Variants in SNX27 observed in about 807,000 individuals in gnomAD.
SNX27 encodes sorting nexin 27, also known as sorting nexin-27.
SNX27 carries 22 observed loss-of-function variants against 71.6 expected under a neutral mutation model. The ratio of observed to expected loss-of-function variants is 0.31; its 90% CI spans 0.22 to 0.44. SNX27 has a LOEUF of 0.44. Among genes scored for constraint, SNX27 ranks in the 20% least tolerant of loss-of-function variants. SNX27 has a pLI of 1.00. For missense variants in SNX27, 531 were observed against 698.6 expected, an observed-to-expected ratio of 0.76 and a Z score of 2.70; for synonymous variants, 269 against 277.2, an observed-to-expected ratio of 0.97 and a Z score of 0.29.
chr1:151,684,707 A>G (rs1339527590), intron 8 of SNX27, among the ~76,000 whole-genome samples: 1 of 152,222 alleles, frequency 6.6e-6, no homozygotes, highest in African/African-American at 2.4e-5. Flanking sequence ...CCTACCAAAC[A>G]TTATAGCTTA....
At chr1:151,618,339 T>G (rs1334714928) in intron 1 of SNX27, among the ~76,000 whole-genome samples, 1 of 152,214 alleles carries the variant, frequency 6.6e-6, no homozygotes, top group Non-Finnish European at 1.5e-5. Context: ...TTTACCCTGT[T>G]GGTTATCAGT....
At position 151,698,719 on chromosome 1, in the gene SNX27, A is replaced by G. The variant is rs1671899626; in HGVS notation, c.*4302A>G. ...ATGTGGGAAGGTCAGGGCTGTGGTA[A>G]GGAATAGAATCAAAGAGGGGAGTGA... On this transcript the variant is annotated 3_prime_UTR_variant, in exon 12 of 12. Transcript: ENST00000458013. 1 of 152,580 alleles carries G rather than the reference A, an allele frequency of 6.6e-6. No individual in the cohort carries two copies. The highest frequency in any genetic ancestry group is 2.4e-5 in the African/African-American group (1 of 41,456). The allele number at this position is 152,580 out of a possible 1,614,324, so 9.5% of individuals were successfully genotyped here.
chr1:151,625,651 A>G (rs773884794), intron 1 of SNX27, among the ~76,000 whole-genome samples: 6 of 152,044 alleles, frequency 3.9e-5, no homozygotes, highest in Admixed American at 1.3e-4. Flanking sequence ...GCTGATCAAC[A>G]TGGTGAAACC....
intron 7 of SNX27, among the ~76,000 whole-genome samples, chr1:151,681,235 C>CTTTTTTTTTATTTTTTTTTTTTTTTTTT (rs1670932603): frequency 1.6e-5 from 1 of 60,700 alleles, no homozygotes; most frequent in Non-Finnish European, 3.2e-5. Flanking sequence ...GTCTCTCAAT[C>CTTTTTTTTTATTTTTTTTTTTTTTTTTT]TTTTTTTTTT....
intron 1 of SNX27, 116 bp from the exon 2 acceptor site, chr1:151,638,772 C>A (rs1668585550): frequency 1.1e-6 from 1 of 910,746 alleles, no homozygotes; most frequent in Non-Finnish European, 1.7e-6. Context: ...CCAAATTAAT[C>A]TTTTGACTTC....
At chr1:151,674,184 T>TA (rs1340531220) in intron 7 of SNX27, among the ~76,000 whole-genome samples, 13 of 152,210 alleles carry the variant, frequency 8.5e-5, no homozygotes, top group African/African-American at 3.1e-4. Context: ...TTTAGTTTCT[T>TA]ACTTTTTATT....
intron 2 of SNX27, among the ~76,000 whole-genome samples, chr1:151,641,035 T>G (rs922527900): frequency 1.3e-5 from 2 of 152,336 alleles, no homozygotes; most frequent in Admixed American, 6.5e-5. Context: ...AACCAAATAT[T>G]TGTCCCTTTT....
intron 4 of SNX27, chr1:151,661,116 CT>C: frequency 2.5e-6 from 1 of 404,844 alleles, no homozygotes; most frequent in East Asian, 4.2e-5. Context: ...CCACCAAAAA[CT>C]TTTGCAATTA....
intron 5 of SNX27, among the ~76,000 whole-genome samples, chr1:151,665,075 A>G (rs140368074): frequency 5.6e-4 from 85 of 152,304 alleles, no homozygotes; most frequent in African/African-American, 2.0e-3. Flanking sequence ...TTACTGAGAT[A>G]CTAATAATCA....
At chr1:151,634,454 G>C (rs573754187) in intron 1 of SNX27, among the ~76,000 whole-genome samples, 1 of 152,222 alleles carries the variant, frequency 6.6e-6, no homozygotes, top group South Asian at 2.1e-4. Context: ...ATCCTGACTA[G>C]AGCTTTTTCT....
Position 151,662,154 on chromosome 1 carries a change from CTT to C in SNX27, c.802-9_802-8del, listed in dbSNP as rs747003479. The stretch of plus-strand genomic sequence containing the variant: ...TGGGCCATAAATTATTTCTCTATGT[CTT>C]TTCCCCCAGAACTACAATGGTGTGT... On this transcript the variant is annotated splice_polypyrimidine_tract_variant and intron_variant, in intron 4 of 11. Coordinates refer to ENST00000458013, the MANE Select transcript of SNX27 (RefSeq NM_001330723.2). The C allele has an allele frequency of 6.3e-7, 1 of 1,599,536 alleles. No individual in the cohort carries two copies. The highest frequency in any genetic ancestry group is 8.6e-7 in the Non-Finnish European group (1 of 1,167,538).
At chr1:151,690,636 G>A (rs942508319) in intron 8 of SNX27, among the ~76,000 whole-genome samples, 1 of 150,688 alleles carries the variant, frequency 6.6e-6, no homozygotes, top group African/African-American at 2.4e-5. Flanking sequence ...TTATAGAGAT[G>A]GGGTTTCACT....
chr1:151,637,912 G>A (rs1032681363), intron 1 of SNX27, among the ~76,000 whole-genome samples: 18 of 152,226 alleles, frequency 1.2e-4, no homozygotes, highest in African/African-American at 4.3e-4. Context: ...TTAGAGGTCA[G>A]GTGTGTATTT....
chr1:151,634,790 G>T (rs1315016845), intron 1 of SNX27, among the ~76,000 whole-genome samples: 1 of 152,126 alleles, frequency 6.6e-6, no homozygotes, highest in Non-Finnish European at 1.5e-5. Context: ...GAAAAATTGA[G>T]AGAATTGTAC....
rs1263866496 is a variant in SNX27 at position 151,653,820 on chromosome 1, C to T, written c.544-4415C>T. Among the ~76,000 whole-genome samples, 20 of 146,814 alleles carry T rather than the reference C, an allele frequency of 1.4e-4. No homozygotes were observed. The East Asian group carries it at 4.0e-3, about 29-fold the overall frequency. On this transcript the variant is annotated intron_variant, in intron 2 of 11. Transcript: ENST00000458013. ...ATAGACAAGAGCCACTGTGCCCAGC[C>T]TGGAGAGTTTTTTTTGTTTTTTTTT... is the stretch of plus-strand genomic sequence containing the variant.
intron 7 of SNX27, chr1:151,675,845 T>TA (rs1558068628): frequency 1.7e-5 from 2 of 115,164 alleles, no homozygotes; most frequent in Non-Finnish European, 3.5e-5. Context: ...TTTTTTTTTT[T>TA]ATATAGGCTC....
chr1:151,639,033 T>A lies in SNX27; in HGVS notation c.457T>A (p.Ser153Thr), dbSNP rs373148145. The A allele has an allele frequency of 5.0e-6, 8 of 1,614,106 alleles. No homozygotes were observed. Among genetic ancestry groups the A allele is most frequent in the Non-Finnish European group, 6.8e-6 (8 of 1,180,032 alleles). ...LDPSDDSLGQSFYDYTEKQAV... is the reference protein window; with the variant it reads ...LDPSDDSLGQTFYDYTEKQAV... The stretch of plus-strand genomic sequence containing the variant: ...TCCCAGTGACGACTCGTTGGGACAA[T>A]CATTTTATGATTACACAGAAAAGCA... Residue 153 changes from serine (S) to threonine (T), a missense_variant, in exon 2 of 12, where the codon TCA (serine) becomes ACA (threonine). Transcript: ENST00000458013.
Position 151,692,398 on chromosome 1 carries a change from T to C in SNX27, c.1240-37T>C, listed in dbSNP as rs551797456. On this transcript the variant is annotated intron_variant, in intron 8 of 11. Transcript: ENST00000458013. ...TACCATAGTAACCCTGTTTCCTGTT[T>C]CTCCTTCCTTTTTTTTTTTTTTTTT... The C allele has an allele frequency of 3.4e-6, 5 of 1,490,856 alleles. No individual in the cohort carries two copies. The East Asian group carries it at 9.7e-5, about 29-fold the overall frequency. The allele number at this position is 1,490,856 out of a possible 1,614,324, so 92.4% of individuals were successfully genotyped here. A position where few individuals can be genotyped will look rare whatever the true frequency, so the allele number is the denominator to read the frequency against.
intron 7 of SNX27, chr1:151,678,744 T>G (rs1670810441): frequency 6.6e-6 from 1 of 152,128 alleles, no homozygotes; most frequent in Admixed American, 6.5e-5. Context: ...GACAGAGTCT[T>G]GCTGTGTCTC....
Sources: gnomAD v4.1 joint callset for allele counts (sites outside exome capture counted in the v4.1 genomes callset) on GRCh38, gnomAD v4.1.1 for gene constraint, MANE v1.5 for transcripts, NCBI Gene and HGNC (gene_info 2026-07-23, HGNC 2026-07-21) for gene names.